The following TOM1 variants were observed in gnomAD, a reference collection of about 807,000 sequenced individuals.
The protein encoded by TOM1 is target of Myb protein 1.
A neutral mutation model predicts 61.3 loss-of-function variants in TOM1; 38 were observed. That is an observed-to-expected ratio of 0.62 (90% confidence interval 0.48 to 0.81). TOM1 has a LOEUF of 0.81. Ranked by LOEUF, TOM1 falls within the 40% of genes least tolerant of loss-of-function variation. TOM1 has a pLI of 0.00. For synonymous variants in TOM1, 270 were observed against 268.8 expected, an observed-to-expected ratio of 1.00 and a Z score of -0.04; for missense variants, 591 against 659.6, an observed-to-expected ratio of 0.90 and a Z score of 1.14.
chr22:35,302,330 C>CTTTTTTTT (rs138734), intron 1 of TOM1, among the ~76,000 whole-genome samples: 36 of 70,912 alleles, frequency 5.1e-4, no homozygotes, highest in African/African-American at 1.8e-3. Flanking sequence ...TTTTCTTTTT[C>CTTTTTTTT]TTTTTTTTTT....
chr22:35,302,739 C>T (rs1925952987), intron 1 of TOM1, among the ~76,000 whole-genome samples: 1 of 152,182 alleles, frequency 6.6e-6, no homozygotes, highest in Admixed American at 6.5e-5. Flanking sequence ...AAAGTGGAGG[C>T]TGTGACTCAT....
At chr22:35,324,900 C>T (rs1928178892) in intron 6 of TOM1, among the ~76,000 whole-genome samples, 1 of 152,198 alleles carries the variant, frequency 6.6e-6, no homozygotes, top group African/African-American at 2.4e-5. Context: ...TTTTCCCAGC[C>T]CTCTGACTAG....
chr22:35,343,563 A>C (rs937256569), intron 12 of TOM1, among the ~76,000 whole-genome samples: 15 of 132,404 alleles, frequency 1.1e-4, no homozygotes, highest in African/African-American at 4.1e-4. Flanking sequence ...ACACCTACAC[A>C]CACCACACCT....
In TOM1 at chr22:35,330,360, C is replaced by G. The variant is rs752422737; in HGVS notation, c.779C>G (p.Thr260Arg). 5 of 1,612,082 alleles carry G rather than the reference C, an allele frequency of 3.1e-6. No homozygotes were observed. Among genetic ancestry groups the G allele is most frequent in the Non-Finnish European group, 4.2e-6 (5 of 1,179,224 alleles). ...CTTTCCTGGCAGGAGCTCAACCGCA[C>G]GTGCCGAGCCATGCAGCAGCGGGTC... The part of the protein sequence containing the change: ...DLELLQELNR[T>R]CRAMQQRVLE... The change falls in exon 8 of 15, where the codon ACG becomes AGG. Residue 260 changes from threonine to arginine, a missense_variant. Transcript: ENST00000449058.
At position 35,308,248 on chromosome 22, in the gene TOM1, CTCTT is replaced by C. The variant is rs1210652820; in HGVS notation, c.52+8276_52+8279del. Among the ~76,000 whole-genome samples the C allele has an allele frequency of 6.6e-5, 10 of 150,868 alleles. No individual in the cohort carries two copies. The South Asian group carries it at 1.5e-3, about 22-fold the overall frequency. ...TGTGTGTGTCTGTCTCTCTCTCTCT[CTCTT>C]TCTTTCTGCTAGTTCCTTTTCTCTT... On this transcript the variant is annotated intron_variant, in intron 1 of 14. Transcript: ENST00000449058.
At position 35,317,952 on chromosome 22, in the gene TOM1, C is replaced by T. The variant is rs201539247; in HGVS notation, c.128C>T (p.Thr43Met). Residue 43 changes from threonine to methionine, a missense_variant, in exon 2 of 15, where the codon ACG becomes ATG. Physicochemically the swap from Thr to Met is moderately conservative, Grantham distance 81. Coordinates refer to ENST00000449058, the MANE Select transcript of TOM1 (RefSeq NM_005488.3). ...GAGATCTGCGACATCATCAACGAGACGGAGGAAGGGTAAGGGCCCCCCAAG... is the reference window on the plus strand; with the variant it reads ...GAGATCTGCGACATCATCAACGAGATGGAGGAAGGGTAAGGGCCCCCCAAG... ...NMEICDIINETEEGPKDALRA... is the reference protein window; with the variant it reads ...NMEICDIINEMEEGPKDALRA... The T allele has an allele frequency of 4.6e-5, 75 of 1,613,966 alleles. No individual in the cohort carries two copies. The highest frequency in any genetic ancestry group is 1.6e-4 in the Middle Eastern group (1 of 6,062).
chr22:35,320,787 C>T (rs540270525), intron 2 of TOM1, among the ~76,000 whole-genome samples: 1 of 152,204 alleles, frequency 6.6e-6, no homozygotes, highest in South Asian at 2.1e-4. Flanking sequence ...GTCCCCAGCA[C>T]CTAGCATGGT....
intron 1 of TOM1, chr22:35,311,213 T>C (rs1436584839): frequency 1.3e-5 from 2 of 152,220 alleles, no homozygotes; most frequent in African/African-American, 2.4e-5. Context: ...TTCAGGTCCA[T>C]GCCGTAGTTG....
chr22:35,300,571 C>T (rs2145592220), intron 1 of TOM1, among the ~76,000 whole-genome samples: 1 of 152,330 alleles, frequency 6.6e-6, no homozygotes, highest in Admixed American at 6.5e-5. Context: ...CAAATGGACC[C>T]GCACAGACTC....
chr22:35,333,469 C>T lies in TOM1; in HGVS notation c.999C>T (p.Gly333=). The stretch of plus-strand genomic sequence containing the variant: ...TGGGCCCTGACCCAGCAGCCACCGG[C>T]AACCTCTCATCCCAGCTGGCAGGAA... ...IDMGPDPAAT[G]NLSSQLAGMN... Residue 333 remains glycine, a synonymous_variant, in exon 10 of 15, where the codon GGC becomes GGT. Coordinates refer to ENST00000449058, the MANE Select transcript of TOM1 (RefSeq NM_005488.3). 1 of 1,614,176 alleles carries T rather than the reference C, an allele frequency of 6.2e-7. No individual in the cohort carries two copies.
At chr22:35,322,162 G>T (rs1927851306) in intron 3 of TOM1, 125 bp downstream of exon 3, 1 of 807,044 alleles carries the variant, frequency 1.2e-6, no homozygotes, top group South Asian at 1.6e-5. Flanking sequence ...AGGTCTGTAG[G>T]CAACGCACTG....
Position 35,347,526 on chromosome 22 carries a change from C to G in TOM1, c.*317C>G, listed in dbSNP as rs1930615846. On this transcript the variant is annotated 3_prime_UTR_variant, in exon 15 of 15. Coordinates refer to ENST00000449058, the MANE Select transcript of TOM1 (RefSeq NM_005488.3). The stretch of plus-strand genomic sequence containing the variant: ...TGGCTGGCTGCTTGACCCAGTGTGA[C>G]TCTCCTTCACTGAGTGATACCCTGC... 3.8e-6 allele frequency: 1 copy of G among 261,384 alleles called. No individual in the cohort carries two copies. Among genetic ancestry groups the G allele is most frequent in the Non-Finnish European group, 7.3e-6 (1 of 137,644 alleles). The allele number at this position is 261,384 out of a possible 1,614,324, so 16.2% of individuals were successfully genotyped here. A position where few individuals can be genotyped will look rare whatever the true frequency, so the allele number is the denominator to read the frequency against.
Position 35,347,117 on chromosome 22 carries a change from C to A in TOM1, c.1387C>A (p.Pro463Thr). ...GGACCGATTGCCCAACCTCTCCAGC[C>A]CCTCAGCTGAGGGGCCCCCGGGTCC... ...AADRLPNLSS[P>T]SAEGPPGPPS... Residue 463 changes from proline to threonine, a missense_variant, in exon 15 of 15, where the codon CCC becomes ACC. Coordinates refer to ENST00000449058, the MANE Select transcript of TOM1 (RefSeq NM_005488.3). 1 of 1,613,732 alleles carries A rather than the reference C, an allele frequency of 6.2e-7. No homozygotes were observed. The highest frequency in any genetic ancestry group is 1.7e-5 in the Admixed American group (1 of 59,950).
intron 1 of TOM1, among the ~76,000 whole-genome samples, chr22:35,314,619 G>C (rs897519076): frequency 6.6e-6 from 1 of 152,242 alleles, no homozygotes; most frequent in South Asian, 2.1e-4. Flanking sequence ...GGTGCCCATC[G>C]TTTTCAGGGG....
At chr22:35,318,575 G>A (rs920507956) in intron 2 of TOM1, among the ~76,000 whole-genome samples, 1 of 152,244 alleles carries the variant, frequency 6.6e-6, no homozygotes, top group Non-Finnish European at 1.5e-5. Flanking sequence ...GGCCTCCAAT[G>A]TCTGACTCGT....
intron 1 of TOM1, 101 bp downstream of exon 1, chr22:35,300,081 CAAG>C (rs1925590363): frequency 7.3e-7 from 1 of 1,373,008 alleles, no homozygotes; most frequent in Non-Finnish European, 1.0e-6. Flanking sequence ...GCAGGGAGGG[CAAG>C]GAGGCTGGCG....
intron 1 of TOM1, among the ~76,000 whole-genome samples, chr22:35,301,670 C>T (rs1266540287): frequency 6.6e-6 from 1 of 152,072 alleles, no homozygotes; most frequent in Non-Finnish European, 1.5e-5. Context: ...GTGTTGTAAT[C>T]GCCACCGTGG....
At chr22:35,328,443 A>AT (rs1346648776) in intron 7 of TOM1, among the ~76,000 whole-genome samples, 1 of 152,028 alleles carries the variant, frequency 6.6e-6, no homozygotes, top group Non-Finnish European at 1.5e-5. Flanking sequence ...AATCCTGACC[A>AT]CCCCCATTTT....
chr22:35,339,710 C>A (rs1038705273), intron 12 of TOM1, among the ~76,000 whole-genome samples: 1 of 151,932 alleles, frequency 6.6e-6, no homozygotes, highest in African/African-American at 2.4e-5. Flanking sequence ...CGAGACCATC[C>A]CGGCTAAAAC....
Sources: allele counts gnomAD v4.1 joint callset (sites outside exome capture counted in the v4.1 genomes callset), GRCh38; gene constraint gnomAD v4.1.1; transcripts MANE v1.5; gene names NCBI Gene and HGNC (gene_info 2026-07-23, HGNC 2026-07-21).